The following DDX60 variants were observed in gnomAD, a reference collection of about 807,000 sequenced individuals.
DDX60 encodes the protein DExD/H-box helicase 60.
DDX60 carries 165 observed loss-of-function variants against 212.8 expected under a neutral mutation model. The ratio of observed to expected loss-of-function variants is 0.78; its 90% confidence interval spans 0.68 to 0.88. DDX60 has a LOEUF of 0.88. Ranked by LOEUF, DDX60 falls within the 40% of genes least tolerant of loss-of-function variation. The pLI, the probability that DDX60 is intolerant of heterozygous loss-of-function variation, is 0.00. For synonymous variants in DDX60, 703 were observed against 685.3 expected, an observed-to-expected ratio of 1.03 and a Z score of -0.40; for missense variants, 1,905 against 2,003.9, an observed-to-expected ratio of 0.95 and a Z score of 0.94.
At chr4:168,251,622 G>A (rs1012672547) in intron 27 of DDX60, among the ~76,000 whole-genome samples, 5 of 152,022 alleles carry the variant, frequency 3.3e-5, no homozygotes, top group South Asian at 2.1e-4. Flanking sequence ...AAGGAAGAGC[G>A]ACAAAAAAAC....
intron 22 of DDX60, among the ~76,000 whole-genome samples, chr4:168,267,305 G>A (rs1481572846): frequency 2.0e-5 from 3 of 152,122 alleles, no homozygotes; most frequent in African/African-American, 7.2e-5. Context: ...AAGAAAAATT[G>A]CCAAAGAAAA....
chr4:168,298,118 C>A (rs931747934), intron 6 of DDX60, among the ~76,000 whole-genome samples: 4 of 151,498 alleles, frequency 2.6e-5, no homozygotes, highest in Non-Finnish European at 4.4e-5. Context: ...TAATTACAAA[C>A]GTAATTACCA....
chr4:168,314,999 G>A (rs112464068), intron 1 of DDX60, among the ~76,000 whole-genome samples: 16 of 152,260 alleles, frequency 1.1e-4, no homozygotes, highest in African/African-American at 3.9e-4. Flanking sequence ...ATGGAAGTCA[G>A]GCCATATGAG....
Position 168,275,372 on chromosome 4 carries a change from G to C in DDX60, c.2277C>G (p.Val759=). 6.2e-7 allele frequency: 1 copy of C among 1,610,820 alleles called. No individual in the cohort carries two copies. Among genetic ancestry groups the C allele is most frequent in the Non-Finnish European group, 8.5e-7 (1 of 1,178,634 alleles). Residue 759 remains valine, a synonymous_variant, in exon 16 of 38, where the codon GTC becomes GTG. Transcript: ENST00000393743. ...GCCATGTGTCGGGAATAAAATCCTGGACCCTGGGATCTGGGTCTTTTCTCT... is the reference window on the plus strand; with the variant it reads ...GCCATGTGTCGGGAATAAAATCCTGCACCCTGGGATCTGGGTCTTTTCTCT... The part of the protein sequence containing the change: ...RDERKDPDPR[V]QDFIPDTWQR...
chr4:168,324,940 C>T, the DDX60 span, among the ~76,000 whole-genome samples: 7 of 152,270 alleles, frequency 4.6e-5, no homozygotes, highest in South Asian at 1.0e-3. Context: ...CTGGTAGAGG[C>T]GTATTATGTC....
At chr4:168,241,165 C>T (rs887421487) in intron 30 of DDX60, among the ~76,000 whole-genome samples, 10 of 152,226 alleles carry the variant, frequency 6.6e-5, no homozygotes, top group African/African-American at 2.4e-4. Context: ...GATTATGAGA[C>T]CTCCTCAGCC....
intron 33 of DDX60, among the ~76,000 whole-genome samples, chr4:168,235,415 G>A (rs1233341688): frequency 1.3e-5 from 2 of 151,928 alleles, no homozygotes; most frequent in Non-Finnish European, 2.9e-5. Flanking sequence ...TAGAGATAGT[G>A]AATTTTCTAT....
At chr4:168,310,146 A>G (rs540893963) in intron 3 of DDX60, among the ~76,000 whole-genome samples, 9 of 152,318 alleles carry the variant, frequency 5.9e-5, no homozygotes, top group East Asian at 3.9e-4. Flanking sequence ...ATATTGGACA[A>G]TGTCCCTGGC....
intron 1 of DDX60, among the ~76,000 whole-genome samples, chr4:168,315,636 C>T (rs1237121526): frequency 6.6e-6 from 1 of 152,162 alleles, no homozygotes; most frequent in Non-Finnish European, 1.5e-5. Context: ...TCCATGTGCT[C>T]TCATTGTTCC....
At chr4:168,316,680 C>G (rs1169192974) in intron 1 of DDX60, among the ~76,000 whole-genome samples, 1 of 152,018 alleles carries the variant, frequency 6.6e-6, no homozygotes, top group Non-Finnish European at 1.5e-5. Context: ...TAGAATATCA[C>G]CATTTTACAA....
At chr4:168,265,093 T>A (rs1734785533) in intron 22 of DDX60, among the ~76,000 whole-genome samples, 1 of 152,092 alleles carries the variant, frequency 6.6e-6, no homozygotes, top group South Asian at 2.1e-4. Flanking sequence ...CTGTGTGGCA[T>A]GAAAATTGGG....
At chr4:168,279,486 G>A (rs550334310) in intron 14 of DDX60, among the ~76,000 whole-genome samples, 1 of 152,332 alleles carries the variant, frequency 6.6e-6, no homozygotes, top group East Asian at 1.9e-4. Flanking sequence ...ATCTGGACAT[G>A]ATAAGGTGCT....
chr4:168,306,538 G>A lies in DDX60; in HGVS notation c.447C>T (p.Gly149=). 6.2e-7 allele frequency: 1 copy of A among 1,614,132 alleles called. No homozygotes were observed. ...YPYFLIVADE[G]LNDLQTQLFN... ...AAAGCTGTGTTTGTAGATCGTTCAG[G>A]CCTTCGTCTGCAACTATCAGGAAAT... The change falls in exon 5 of 38, where the codon GGC becomes GGT. Residue 149 remains glycine, a synonymous_variant. Transcript: ENST00000393743.
At chr4:168,244,909 TG>T (rs1467641807) in intron 30 of DDX60, among the ~76,000 whole-genome samples, 1 of 151,948 alleles carries the variant, frequency 6.6e-6, no homozygotes, top group African/African-American at 2.4e-5. Context: ...AACAGAAAAG[TG>T]GGTTTCAATT....
At chr4:168,307,142 T>A (rs974803777) in intron 4 of DDX60, among the ~76,000 whole-genome samples, 1 of 152,190 alleles carries the variant, frequency 6.6e-6, no homozygotes, top group Non-Finnish European at 1.5e-5. Flanking sequence ...TGTCTCGGCA[T>A]AACAAAATTG....
chr4:168,231,130 T>C (rs1292270303), intron 33 of DDX60, among the ~76,000 whole-genome samples: 2 of 151,908 alleles, frequency 1.3e-5, no homozygotes, highest in African/African-American at 4.8e-5. Flanking sequence ...CCTGGAAATA[T>C]ACAAATCTCC....
chr4:168,217,023 C>T lies in DDX60; in HGVS notation c.5049G>A (p.Leu1683=), dbSNP rs751028354. ...CGTCTTCATTTTCACATAGCTCACG[C>T]AAGGAAACACTGGAAATGGGGAAAA... ...ALTIKSISVS[L]RELCENEDDN... is the part of the protein sequence containing the mutation. Residue 1683 remains leucine, a synonymous_variant, in exon 38 of 38, where the codon TTG becomes TTA. Transcript: ENST00000393743. The T allele has an allele frequency of 6.2e-7, 1 of 1,603,354 alleles. No individual in the cohort carries two copies.
chr4:168,282,390 AAG>A (rs1163828017), intron 13 of DDX60, among the ~76,000 whole-genome samples: 4 of 152,212 alleles, frequency 2.6e-5, no homozygotes, highest in Non-Finnish European at 4.4e-5. Context: ...AGGCTTGACA[AAG>A]AGATGCACAT....
chr4:168,293,721 A>C, intron 7 of DDX60, 66 bp downstream of exon 7: 1 of 1,352,084 alleles, frequency 7.4e-7, no homozygotes, highest in East Asian at 2.3e-5. Flanking sequence ...AATGAAAGAT[A>C]CAAATCAACA....
Sources: gnomAD v4.1 joint callset for allele counts (sites outside exome capture counted in the v4.1 genomes callset) on GRCh38, gnomAD v4.1.1 for gene constraint, MANE v1.5 for transcripts, NCBI Gene and HGNC (gene_info 2026-07-23, HGNC 2026-07-21) for gene names.